The following CMTM4 variants were observed in gnomAD, a reference collection of about 807,000 sequenced individuals.
CMTM4 encodes CKLF-like MARVEL transmembrane domain-containing protein 4.
A neutral mutation model predicts 19.0 loss-of-function variants in CMTM4; 8 were observed. The ratio of observed to expected loss-of-function variants is 0.42; its 90% confidence interval spans 0.25 to 0.76. CMTM4 has a LOEUF of 0.76. CMTM4 is among the 30% of genes least tolerant of loss of function. The probability of loss-of-function intolerance (pLI) is 0.27; values close to 1 mark genes in which losing one functional copy is unlikely to be tolerated. For synonymous variants in CMTM4, 106 were observed against 121.1 expected, an observed-to-expected ratio of 0.88 and a Z score of 0.82; for missense variants, 228 against 290.2, an observed-to-expected ratio of 0.79 and a Z score of 1.56.
chr16:66,634,790 CT>C (rs2015959690), intron 2 of CMTM4, among the ~76,000 whole-genome samples: 1 of 152,096 alleles, frequency 6.6e-6, no homozygotes, highest in Non-Finnish European at 1.5e-5. Context: ...AAATTATTAT[CT>C]CCACTTTACC....
At chr16:66,604,957 G>C in the CMTM4 span, 7 of 1,499,294 alleles carry the variant, frequency 4.7e-6, no homozygotes, top group Non-Finnish European at 5.3e-6. Context: ...GAGTCGGTGA[G>C]TGCGGCGGGA....
intron 2 of CMTM4, among the ~76,000 whole-genome samples, chr16:66,633,102 A>T (rs28531966): frequency 4.4e-4 from 43 of 97,408 alleles, no homozygotes; most frequent in African/African-American, 1.1e-3. Context: ...TATATATATA[A>T]ATATATATAT....
At chr16:66,599,512 A>G in the CMTM4 span, among the ~76,000 whole-genome samples, 2 of 151,812 alleles carry the variant, frequency 1.3e-5, no homozygotes, top group Non-Finnish European at 2.9e-5. Flanking sequence ...TGTTGAGACA[A>G]GGTCTCACTC....
chr16:66,692,019 C>T (rs1242694853), intron 1 of CMTM4, among the ~76,000 whole-genome samples: 1 of 152,034 alleles, frequency 6.6e-6, no homozygotes, highest in Non-Finnish European at 1.5e-5. Context: ...TTGGCAGTCT[C>T]ATTTTACCGA....
intron 1 of CMTM4, among the ~76,000 whole-genome samples, chr16:66,641,990 A>G (rs987995373): frequency 6.6e-6 from 1 of 152,170 alleles, no homozygotes; most frequent in African/African-American, 2.4e-5. Flanking sequence ...ACACATATAC[A>G]CCTCTATACA....
chr16:66,604,687 G>A, the CMTM4 span: 2 of 761,642 alleles, frequency 2.6e-6, no homozygotes, highest in Non-Finnish European at 3.5e-6. Flanking sequence ...GGCGGGGGAT[G>A]CGCCCCTGCG....
intron 1 of CMTM4, among the ~76,000 whole-genome samples, chr16:66,663,871 G>A (rs897992509): frequency 3.9e-5 from 6 of 152,014 alleles, no homozygotes; most frequent in African/African-American, 1.4e-4. Flanking sequence ...CTATTTCTTA[G>A]CTGAGACTTT....
At chr16:66,641,972 A>G (rs2144821435) in intron 1 of CMTM4, among the ~76,000 whole-genome samples, 1 of 152,356 alleles carries the variant, frequency 6.6e-6, no homozygotes, top group East Asian at 1.9e-4. Flanking sequence ...AGACAGATAC[A>G]TAAATACACA....
intron 1 of CMTM4, among the ~76,000 whole-genome samples, chr16:66,663,504 C>T (rs961667458): frequency 6.8e-5 from 9 of 132,962 alleles, no homozygotes; most frequent in Non-Finnish European, 9.6e-5. Flanking sequence ...TTGGATACTA[C>T]GTTCTATGGT....
At chr16:66,683,286 C>CTTTTTTTTTTTTTTTT (rs781263895) in intron 1 of CMTM4, among the ~76,000 whole-genome samples, 10 of 78,838 alleles carry the variant, frequency 1.3e-4, no homozygotes, top group East Asian at 4.3e-4. Context: ...TTTTTCTTTT[C>CTTTTTTTTTTTTTTTT]TTTTTTTTTT....
At chr16:66,651,067 G>A (rs937197103) in intron 1 of CMTM4, among the ~76,000 whole-genome samples, 1 of 152,194 alleles carries the variant, frequency 6.6e-6, no homozygotes, top group African/African-American at 2.4e-5. Flanking sequence ...GACGAAAAAG[G>A]CTAGTTGTTA....
At chr16:66,662,071 G>A (rs1276684151) in intron 1 of CMTM4, among the ~76,000 whole-genome samples, 3 of 152,036 alleles carry the variant, frequency 2.0e-5, no homozygotes, top group Admixed American at 6.6e-5. Context: ...GAGCCTATTT[G>A]GCTATCAGAC....
At chr16:66,643,450 T>C (rs925011720) in intron 1 of CMTM4, among the ~76,000 whole-genome samples, 1 of 152,176 alleles carries the variant, frequency 6.6e-6, no homozygotes, top group African/African-American at 2.4e-5. Context: ...ACTAGAAATA[T>C]GTGGGTAGTA....
At chr16:66,624,996 A>C (rs1289907961) in intron 2 of CMTM4, among the ~76,000 whole-genome samples, 1 of 151,576 alleles carries the variant, frequency 6.6e-6, no homozygotes, top group Admixed American at 6.7e-5. Context: ...CTGTAGGGGT[A>C]AAAAAAGAAT....
intron 1 of CMTM4, among the ~76,000 whole-genome samples, chr16:66,642,539 C>G (rs1596923964): frequency 6.6e-6 from 1 of 152,100 alleles, no homozygotes; most frequent in Admixed American, 6.6e-5. Flanking sequence ...CACAGTGAAA[C>G]CCCTGTCTCT....
chr16:66,660,698 CT>C (rs1188889679), intron 1 of CMTM4, among the ~76,000 whole-genome samples: 1 of 152,130 alleles, frequency 6.6e-6, no homozygotes, highest in African/African-American at 2.4e-5. Flanking sequence ...TGTGTGATTT[CT>C]TTAAGAAGTA....
In CMTM4 at chr16:66,620,993, A is replaced by G. The variant is rs923924712; in HGVS notation, c.*1065T>C. The G allele has an allele frequency of 2.0e-6, 2 of 985,766 alleles. No homozygotes were observed. Among genetic ancestry groups the G allele is most frequent in the South Asian group, 4.7e-5 (1 of 21,290 alleles). 61.1% of individuals were successfully genotyped at this position (985,766 alleles called of 1,614,324 possible). On this transcript the variant is annotated 3_prime_UTR_variant, in exon 4 of 4. Transcript: ENST00000394106. ...CTACAGTTATGACACTGAGGCGCCC[A>G]AAGCGACAATTAGTGCCTTCTGAAA...
chr16:66,604,888 G>C, the CMTM4 span: 2 of 1,433,714 alleles, frequency 1.4e-6, no homozygotes. Context: ...CCCGGGCTCC[G>C]CGCCCTGCTG....
intron 2 of CMTM4, among the ~76,000 whole-genome samples, chr16:66,630,165 C>T (rs528218308): frequency 2.6e-5 from 4 of 151,796 alleles, no homozygotes; most frequent in Non-Finnish European, 4.4e-5. Context: ...GTGCTAACTC[C>T]GAGAGTTAGT....
Sources: allele counts gnomAD v4.1 joint callset (sites outside exome capture counted in the v4.1 genomes callset), GRCh38; gene constraint gnomAD v4.1.1; transcripts MANE v1.5; gene names NCBI Gene and HGNC (gene_info 2026-07-23, HGNC 2026-07-21).